The following STRN variants were observed in gnomAD, a reference collection of about 807,000 sequenced individuals.
STRN encodes striatin.
STRN carries 53 observed loss-of-function variants against 96.3 expected under a neutral mutation model. That is an observed-to-expected ratio of 0.55 (90% confidence interval 0.44 to 0.69). The LOEUF is 0.69. STRN is among the 30% of genes least tolerant of loss of function. STRN has a pLI of 0.00. For synonymous variants in STRN, 428 were observed against 355.9 expected, an observed-to-expected ratio of 1.20 and a Z score of -2.28; for missense variants, 987 against 963.9, an observed-to-expected ratio of 1.02 and a Z score of -0.32.
At chr2:36,915,093 A>G (rs561573353) in intron 3 of STRN, among the ~76,000 whole-genome samples, 2 of 150,538 alleles carry the variant, frequency 1.3e-5, no homozygotes, top group South Asian at 4.2e-4. Flanking sequence ...GCTACTCGGG[A>G]GGCTGAGGCA....
At position 36,924,487 on chromosome 2, in the gene STRN, A is replaced by C. The variant is rs184286657; in HGVS notation, c.338+618T>G. Reference sequence around the variant, plus strand: ...GGAAACACTATAGAAATTTCCTTTAAAAATTAAAAACTATTTCAACTTTAA... The same window carrying C: ...GGAAACACTATAGAAATTTCCTTTACAAATTAAAAACTATTTCAACTTTAA... On this transcript the variant is annotated intron_variant, in intron 2 of 17. Transcript: ENST00000263918. 2.9e-3 allele frequency among the ~76,000 whole-genome samples: 440 copies of C among 152,334 alleles called. 2 individuals are homozygous for C. Among genetic ancestry groups the C allele is most frequent in the Non-Finnish European group, 3.7e-3 (253 of 68,024 alleles).
At position 36,843,969 on chromosome 2, in the gene STRN, C is replaced by G. The variant is rs1302794048; in HGVS notation, c.*5487G>C. The G allele has an allele frequency of 6.6e-6, 1 of 152,012 alleles. No individual in the cohort carries two copies. Among genetic ancestry groups the G allele is most frequent in the Admixed American group, 6.6e-5 (1 of 15,226 alleles). The allele number at this position is 152,012 out of a possible 1,614,324, so 9.4% of individuals were successfully genotyped here. ...TTGATGTAACTAAAATTTAAAATAC[C>G]TGAAGATCAAACAATCTGGCCCAGG... On this transcript the variant is annotated 3_prime_UTR_variant, in exon 18 of 18. Transcript: ENST00000263918.
At position 36,966,411 on chromosome 2, in the gene STRN, G is replaced by A; in HGVS notation, c.53C>T (p.Ala18Val). ...AGGCCCGAGCCCCTTGGCACCGCCG[G>A]CGCCCGGGTGGTTGTTGCTGAAGAA... ...GVFFSNNHPGAGGAKGLGPLA... is the reference protein window; with the variant it reads ...GVFFSNNHPGVGGAKGLGPLA... The change falls in exon 1 of 18, where the codon GCC (alanine) becomes GTC (valine). Residue 18 changes from alanine (A) to valine (V), a missense_variant. Coordinates refer to ENST00000263918, the MANE Select transcript of STRN (RefSeq NM_003162.4). 1 of 1,459,804 alleles carries A rather than the reference G, an allele frequency of 6.9e-7. No individual in the cohort carries two copies. The highest frequency in any genetic ancestry group is 9.0e-7 in the Non-Finnish European group (1 of 1,106,968). 90.4% of individuals were successfully genotyped at this position (1,459,804 alleles called of 1,614,324 possible).
chr2:36,850,377 T>G (rs946668023), intron 16 of STRN, among the ~76,000 whole-genome samples: 1 of 152,240 alleles, frequency 6.6e-6, no homozygotes, highest in African/African-American at 2.4e-5. Context: ...CCCAGCACAG[T>G]GCTTCCTAAA....
rs1279506282 is a variant in STRN, at chr2:36,917,554, GA to G, written c.339-1404del. Among the ~76,000 whole-genome samples, 312 of 138,638 alleles carry G rather than the reference GA, an allele frequency of 2.3e-3. 1 individual carries two copies. Among genetic ancestry groups the G allele is most frequent in the Middle Eastern group, 0.018 (5 of 276 alleles). The allele number at this position is 138,638 out of a possible 152,430, so 91.0% of individuals were successfully genotyped here. A position where few individuals can be genotyped will look rare whatever the true frequency, so the allele number is the denominator to read the frequency against. On this transcript the variant is annotated intron_variant, in intron 2 of 17. Coordinates refer to ENST00000263918, the MANE Select transcript of STRN (RefSeq NM_003162.4). ...CAAAAAAAAGAAAAAAAAAAAAAAA[GA>G]AAAAAAGAAAAGTAGAAAGGAAATG... is the stretch of plus-strand genomic sequence containing the variant.
chr2:36,885,005 T>C (rs1441137126), intron 8 of STRN, among the ~76,000 whole-genome samples: 3 of 152,164 alleles, frequency 2.0e-5, no homozygotes, highest in Non-Finnish European at 4.4e-5. Context: ...CTCTCTTCAA[T>C]GAAAGATGTT....
chr2:36,850,187 AG>A (rs1668185422), intron 16 of STRN, among the ~76,000 whole-genome samples: 1 of 152,234 alleles, frequency 6.6e-6, no homozygotes. Context: ...GAAAACAATG[AG>A]GCAAGGAAAA....
At chr2:36,911,243 C>T (rs186158539) in intron 3 of STRN, among the ~76,000 whole-genome samples, 124 of 152,312 alleles carry the variant, frequency 8.1e-4, no homozygotes, top group African/African-American at 2.7e-3. Flanking sequence ...TCCACAGCCA[C>T]CACCCTCTCT....
At chr2:36,859,451 G>A (rs1358135940) in intron 13 of STRN, among the ~76,000 whole-genome samples, 1 of 152,150 alleles carries the variant, frequency 6.6e-6, no homozygotes, top group Admixed American at 6.5e-5. Flanking sequence ...TAATTCTTAG[G>A]TTTCTAGTTT....
Position 36,843,751 on chromosome 2 carries a change from C to T in STRN, c.*5705G>A, listed in dbSNP as rs989144512. 1 of 152,154 alleles carries T rather than the reference C, an allele frequency of 6.6e-6. No individual in the cohort carries two copies. Among genetic ancestry groups the T allele is most frequent in the South Asian group, 2.1e-4 (1 of 4,834 alleles). The allele number at this position is 152,154 out of a possible 1,614,324, so 9.4% of individuals were successfully genotyped here. On this transcript the variant is annotated 3_prime_UTR_variant, in exon 18 of 18. Coordinates refer to ENST00000263918, the MANE Select transcript of STRN (RefSeq NM_003162.4). ...GATTACTGTAAAGCCACAGCTAGAT[C>T]CCAAATCTGACAAATATTCCAATTC...
intron 12 of STRN, 107 bp downstream of exon 12, chr2:36,867,707 C>A: frequency 3.0e-6 from 2 of 665,564 alleles, no homozygotes; most frequent in East Asian, 3.1e-5. Flanking sequence ...ATTAAAAAAA[C>A]ACTCCTAAAT....
chr2:36,898,582 T>C (rs1295730580), intron 6 of STRN, among the ~76,000 whole-genome samples: 1 of 152,224 alleles, frequency 6.6e-6, no homozygotes, highest in African/African-American at 2.4e-5. Context: ...TCGCACATAG[T>C]GTCTCTTTGT....
At chr2:36,920,988 T>C (rs1008233309) in intron 2 of STRN, among the ~76,000 whole-genome samples, 1 of 151,440 alleles carries the variant, frequency 6.6e-6, no homozygotes, top group African/African-American at 2.4e-5. Context: ...GGCAAGAGAA[T>C]GGCTTGAACC....
At chr2:36,888,338 C>G (rs1669292886) in intron 7 of STRN, among the ~76,000 whole-genome samples, 1 of 152,148 alleles carries the variant, frequency 6.6e-6, no homozygotes, top group African/African-American at 2.4e-5. Flanking sequence ...TCGTGTCACC[C>G]TTCTTGCTCA....
chr2:36,886,721 AC>A lies in STRN; in HGVS notation c.1036del (p.Val346Ter). 1 of 1,606,942 alleles carries A rather than the reference AC, an allele frequency of 6.2e-7. No homozygotes were observed. Among genetic ancestry groups the A allele is most frequent in the Non-Finnish European group, 8.5e-7 (1 of 1,175,966 alleles). On this transcript the variant is annotated frameshift_variant, in exon 8 of 18. Transcript: ENST00000263918. LOFTEE classifies it high-confidence loss of function. Reference sequence around the variant, plus strand: ...ATACAATGTTTTCCACTTACTCTTCACCCCCTTTTTCCCCTTTCTCTCCTTT... The same window carrying A: ...ATACAATGTTTTCCACTTACTCTTCACCCCTTTTTCCCCTTTCTCTCCTTT... ...YKKERKGKKG[V>X]KRPNRSKLQD... is the part of the protein sequence containing the mutation.
rs114150512 is a variant in STRN at position 36,877,866 on chromosome 2, C to A, written c.1323+25G>T. 1,463 of 1,611,902 alleles carry A rather than the reference C, an allele frequency of 9.1e-4. 13 individuals are homozygous for A. The African/African-American group carries it at 0.017, about 19-fold the overall frequency. On this transcript the variant is annotated intron_variant, in intron 10 of 17. Transcript: ENST00000263918. ...TTTGTTTTTAAAAACCAAGTAAACA[C>A]AACAAAAACAAAACTACTACTTACA...
rs1454911039 is a variant in STRN at position 36,846,255 on chromosome 2, GTAATT to G, written c.*3196_*3200del. The G allele has an allele frequency of 2.7e-5, 4 of 149,126 alleles. No individual in the cohort carries two copies. The highest frequency in any genetic ancestry group is 5.9e-5 in the Non-Finnish European group (4 of 67,440). 9.2% of individuals were successfully genotyped at this position (149,126 alleles called of 1,614,324 possible). A position where few individuals can be genotyped will look rare whatever the true frequency, so the allele number is the denominator to read the frequency against. ...GCCTATAATGAATATTGTATATACA[GTAATT>G]TAAACACTTAGAACTATATATTATA... is the stretch of plus-strand genomic sequence containing the variant. On this transcript the variant is annotated 3_prime_UTR_variant, in exon 18 of 18. Transcript: ENST00000263918.
In STRN at chr2:36,908,998, G is replaced by GAAAAA. The variant is rs34538183; in HGVS notation, c.413-3385_413-3381dup. ...TCTATCCCCACCCCCAAACACCCCA[G>GAAAAA]AAAAAAAAATAGCTGGGCAAGGTGG... On this transcript the variant is annotated intron_variant, in intron 3 of 17. Coordinates refer to ENST00000263918, the MANE Select transcript of STRN (RefSeq NM_003162.4). 1.8e-4 allele frequency among the ~76,000 whole-genome samples: 26 copies of GAAAAA among 147,236 alleles called. 1 individual carries two copies. The highest frequency in any genetic ancestry group is 1.4e-3 in the East Asian group (7 of 4,864).
chr2:36,896,563 C>T (rs1474636957), intron 6 of STRN, among the ~76,000 whole-genome samples: 2 of 152,012 alleles, frequency 1.3e-5, no homozygotes, highest in East Asian at 1.9e-4. Context: ...TAAGAGAAAA[C>T]CAAAGAAGTT....
Sources: gnomAD v4.1 joint callset for allele counts (sites outside exome capture counted in the v4.1 genomes callset) on GRCh38, gnomAD v4.1.1 for gene constraint, MANE v1.5 for transcripts, NCBI Gene and HGNC (gene_info 2026-07-23, HGNC 2026-07-21) for gene names.